PAX7: variants seen among roughly 807,000 people sequenced by gnomAD.
PAX7 encodes the protein paired box protein Pax-7.
PAX7 carries 18 observed loss-of-function variants against 50.7 expected under a neutral mutation model. That is an observed-to-expected ratio of 0.36 (90% CI 0.25 to 0.53). The LOEUF is 0.53. PAX7 is among the 20% of genes least tolerant of loss of function. The pLI, the probability that PAX7 is intolerant of heterozygous loss-of-function variation, is 0.93. For synonymous variants in PAX7, 310 were observed against 290.4 expected (o/e 1.07, Z -0.69); for missense variants, 644 against 702.9 (o/e 0.92, Z 0.95).
rs2088044513 is a variant in PAX7 at position 18,631,475 on chromosome 1, A to G, written c.-129A>G. On this transcript the variant is annotated 5_prime_UTR_variant, in exon 1 of 9. Transcript: ENST00000420770. ...GGGTGGGGGTAGGGAGTGTGTGTGG[A>G]GGGGAGGGAGAAGAGGTTAAAAAAA... 1.3e-6 allele frequency: 1 copy of G among 745,186 alleles called. No homozygotes were observed. The highest frequency in any genetic ancestry group is 2.3e-6 in the Non-Finnish European group (1 of 432,310). The allele number at this position is 745,186 out of a possible 1,614,324, so 46.2% of individuals were successfully genotyped here.
Position 18,668,233 on chromosome 1 carries a change from T to C in PAX7, c.587-23521T>C, listed in dbSNP as rs547656203. 4.6e-5 allele frequency among the ~76,000 whole-genome samples: 7 copies of C among 152,266 alleles called. No individual in the cohort carries two copies. In the South Asian group the frequency reaches 1.5e-3, roughly 32 times the overall value. Reference sequence around the variant, plus strand: ...TCTGGCCCAGAGTCAGAGCTGTGGATATTCCAGCCACATTAGATGCCTGAG... The same window carrying C: ...TCTGGCCCAGAGTCAGAGCTGTGGACATTCCAGCCACATTAGATGCCTGAG... On this transcript the variant is annotated intron_variant, in intron 4 of 8. Transcript: ENST00000420770.
chr1:18,689,707 G>T (rs1323365494), intron 4 of PAX7, among the ~76,000 whole-genome samples: 1 of 152,210 alleles, frequency 6.6e-6, no homozygotes, highest in Admixed American at 6.5e-5. Context: ...ACACATCCGG[G>T]CCATACCCAC....
At chr1:18,633,814 G>T (rs939033705) in intron 1 of PAX7, among the ~76,000 whole-genome samples, 7 of 152,216 alleles carry the variant, frequency 4.6e-5, no homozygotes, top group Admixed American at 4.6e-4. Flanking sequence ...TACCAGGAGC[G>T]TAGAACTGAG....
chr1:18,651,939 G>T (rs1215542854), intron 4 of PAX7, among the ~76,000 whole-genome samples: 1 of 151,744 alleles, frequency 6.6e-6, no homozygotes, highest in African/African-American at 2.4e-5. Flanking sequence ...GGTTTGAAAG[G>T]GGAAGTGGCA....
At position 18,634,989 on chromosome 1, in the gene PAX7, G is replaced by A. The variant is rs1051639583; in HGVS notation, c.322-122G>A. ...GATAAAGCCAATCTCTTGGGGGATG[G>A]GGGGACACAAGGTAACCAGAACCAC... On this transcript the variant is annotated intron_variant, in intron 2 of 8. Coordinates refer to ENST00000420770, the MANE Select transcript of PAX7 (RefSeq NM_001135254.2). This position sits in a 1 kb window ranked among gnomAD's most constrained non-coding sequence, Gnocchi z 4.0. 1 of 1,236,438 alleles carries A rather than the reference G, an allele frequency of 8.1e-7. No individual in the cohort carries two copies. The highest frequency in any genetic ancestry group is 1.1e-6 in the Non-Finnish European group (1 of 898,278). The allele number at this position is 1,236,438 out of a possible 1,614,324, so 76.6% of individuals were successfully genotyped here.
intron 1 of PAX7, among the ~76,000 whole-genome samples, chr1:18,633,745 T>C (rs914947721): frequency 7.2e-5 from 11 of 152,178 alleles, no homozygotes; most frequent in Non-Finnish European, 1.2e-4. Context: ...TAGCCAGAGC[T>C]GTAAATGTAG....
intron 8 of PAX7, among the ~76,000 whole-genome samples, chr1:18,742,483 A>G (rs1931203008): frequency 6.6e-6 from 1 of 152,186 alleles, no homozygotes; most frequent in Non-Finnish European, 1.5e-5. Context: ...TGGGATGGAC[A>G]CTGGAGCCCG....
At chr1:18,672,825 T>C (rs1260007667) in intron 4 of PAX7, among the ~76,000 whole-genome samples, 7 of 152,046 alleles carry the variant, frequency 4.6e-5, no homozygotes. Flanking sequence ...CAGGCTAGTC[T>C]TGAACTGACC....
At chr1:18,701,702 G>T (rs918120494) in intron 6 of PAX7, among the ~76,000 whole-genome samples, 5 of 152,218 alleles carry the variant, frequency 3.3e-5, no homozygotes, top group African/African-American at 4.8e-5. Context: ...CCACTCTGGG[G>T]TGAACAGCCC....
chr1:18,653,191 T>C (rs1284105843), intron 4 of PAX7, among the ~76,000 whole-genome samples: 1 of 152,146 alleles, frequency 6.6e-6, no homozygotes, highest in African/African-American at 2.4e-5. Flanking sequence ...TTTTTCATTT[T>C]TTTTTTTCAT....
At chr1:18,671,233 G>A (rs12409723) in intron 4 of PAX7, among the ~76,000 whole-genome samples, 17,745 of 152,238 alleles carry the variant, frequency 0.12, 1,236 homozygotes, top group East Asian at 0.27. Flanking sequence ...AAGAGAGGGG[G>A]CCAGTGATGG....
At chr1:18,709,578 G>A (rs1457285290) in intron 7 of PAX7, among the ~76,000 whole-genome samples, 1 of 152,182 alleles carries the variant, frequency 6.6e-6, no homozygotes, top group Non-Finnish European at 1.5e-5. Flanking sequence ...GCCAGGTCCC[G>A]ATGGGCCTGA....
chr1:18,666,374 T>C (rs978189691), intron 4 of PAX7, among the ~76,000 whole-genome samples: 7 of 152,212 alleles, frequency 4.6e-5, no homozygotes, highest in African/African-American at 1.7e-4. Flanking sequence ...CCGAACTTGC[T>C]GTGATCTGTG....
At chr1:18,666,719 G>C (rs1380908614) in intron 4 of PAX7, among the ~76,000 whole-genome samples, 4 of 152,162 alleles carry the variant, frequency 2.6e-5, no homozygotes, top group African/African-American at 9.7e-5. Context: ...AAAGTCCTCG[G>C]GGTTCAACCC....
intron 4 of PAX7, among the ~76,000 whole-genome samples, chr1:18,690,496 G>A (rs902529191): frequency 6.6e-6 from 1 of 152,206 alleles, no homozygotes; most frequent in African/African-American, 2.4e-5. Flanking sequence ...GGATTGATGG[G>A]GACAGGGAGC....
rs1239809898 is a variant in PAX7 at position 18,731,428 on chromosome 1, C to T, written c.1156-4204C>T. On this transcript the variant is annotated intron_variant, in intron 7 of 8. Coordinates refer to ENST00000420770, the MANE Select transcript of PAX7 (RefSeq NM_001135254.2). The stretch of plus-strand genomic sequence containing the variant: ...GGACCCGGGAGACCTGGGTGCAAAT[C>T]CCAGCTCTGCCACTTACCGGCTGTG... Among the ~76,000 whole-genome samples, 8 of 152,262 alleles carry T rather than the reference C, an allele frequency of 5.3e-5. No individual in the cohort carries two copies. In the South Asian group the frequency reaches 6.2e-4, roughly 12 times the overall value.
intron 4 of PAX7, among the ~76,000 whole-genome samples, chr1:18,681,213 T>C (rs903419532): frequency 7.1e-5 from 10 of 140,338 alleles, no homozygotes; most frequent in Non-Finnish European, 4.6e-5. Flanking sequence ...GAGCTCCTCA[T>C]AGAGTGGGCC....
chr1:18,647,160 T>G (rs2088358092), intron 4 of PAX7, among the ~76,000 whole-genome samples: 1 of 151,800 alleles, frequency 6.6e-6, no homozygotes. Flanking sequence ...CCTCGTCTGC[T>G]GAGCTTGGCT....
chr1:18,692,074 T>C, intron 5 of PAX7, 121 bp downstream of exon 5: 2 of 836,254 alleles, frequency 2.4e-6, no homozygotes, highest in Non-Finnish European at 3.7e-6. Flanking sequence ...GTTCAGGGGG[T>C]TGTGTAGGCA....
Sources: allele counts gnomAD v4.1 joint callset (sites outside exome capture counted in the v4.1 genomes callset), GRCh38; gene constraint gnomAD v4.1.1; non-coding constraint Gnocchi (gnomAD v3.1); transcripts MANE v1.5; gene names NCBI Gene and HGNC (gene_info 2026-07-23, HGNC 2026-07-21).